Variants in ADGRL2 observed in about 807,000 individuals in gnomAD.
ADGRL2 encodes calcium-independent alpha-latrotoxin receptor 2.
Under a neutral mutation model 157.4 loss-of-function variants are expected in ADGRL2, and 44 were observed. The observed-to-expected ratio is 0.28, with a 90% CI of 0.22 to 0.36. The LOEUF (loss-of-function observed/expected upper bound fraction) is 0.36, where lower values mean the gene tolerates loss of function less well. Ranked by LOEUF, ADGRL2 falls within the 10% of genes least tolerant of loss-of-function variation. ADGRL2 has a pLI of 1.00. For synonymous variants in ADGRL2, 585 were observed against 624.7 expected, an observed-to-expected ratio of 0.94 and a Z score of 0.95; for missense variants, 1,510 against 1,768.9, an observed-to-expected ratio of 0.85 and a Z score of 2.63.
chr1:81,562,071 T>G (rs2080455769), intron 2 of ADGRL2, among the ~76,000 whole-genome samples: 2 of 152,208 alleles, frequency 1.3e-5, no homozygotes, highest in African/African-American at 4.8e-5. Flanking sequence ...CATAAATGGC[T>G]TCTCAAGTAA....
intron 1 of ADGRL2, among the ~76,000 whole-genome samples, chr1:81,359,554 T>C (rs967525167): frequency 6.6e-6 from 1 of 152,054 alleles, no homozygotes; most frequent in Non-Finnish European, 1.5e-5. Context: ...CTCATTTTCT[T>C]AGTCAACATG....
intron 1 of ADGRL2, among the ~76,000 whole-genome samples, chr1:81,356,934 C>CA (rs1227467537): frequency 1.8e-5 from 1 of 54,804 alleles, no homozygotes; most frequent in Non-Finnish European, 3.1e-5. Flanking sequence ...GCCTGGGGGA[C>CA]AAAATGAGAC....
chr1:81,496,686 C>G (rs1297868267), intron 2 of ADGRL2, among the ~76,000 whole-genome samples: 1 of 151,182 alleles, frequency 6.6e-6, no homozygotes, highest in African/African-American at 2.4e-5. Context: ...AAAAAAAGAC[C>G]TTAGAATTCC....
At chr1:81,451,458 G>A (rs553190011) in intron 2 of ADGRL2, among the ~76,000 whole-genome samples, 1 of 152,304 alleles carries the variant, frequency 6.6e-6, no homozygotes, top group African/African-American at 2.4e-5. Flanking sequence ...TTATACCAGA[G>A]AAGAGCATTG....
chr1:81,888,468 C>T (rs1385294954), intron 2 of ADGRL2, among the ~76,000 whole-genome samples: 1 of 152,068 alleles, frequency 6.6e-6, no homozygotes, highest in Non-Finnish European at 1.5e-5. Flanking sequence ...GAGATGGAGT[C>T]TTGCTCTGTA....
At chr1:81,584,851 T>C (rs1005986544) in intron 3 of ADGRL2, among the ~76,000 whole-genome samples, 2 of 152,118 alleles carry the variant, frequency 1.3e-5, no homozygotes, top group African/African-American at 2.4e-5. Context: ...GCTTATAAAC[T>C]CTAGAGTTAC....
chr1:81,645,570 G>GCAT (rs1557532404), intron 3 of ADGRL2, among the ~76,000 whole-genome samples: 3 of 151,952 alleles, frequency 2.0e-5, no homozygotes, highest in African/African-American at 7.3e-5. Context: ...GCATGTCCAT[G>GCAT]CATATATGAA....
intron 6 of ADGRL2, among the ~76,000 whole-genome samples, chr1:81,947,210 A>G (rs1285074698): frequency 6.6e-6 from 1 of 152,170 alleles, no homozygotes; most frequent in South Asian, 2.1e-4. Context: ...GTTTTCTATT[A>G]TTATTTATAG....
At chr1:81,852,706 G>A (rs550079648) in intron 2 of ADGRL2, among the ~76,000 whole-genome samples, 220 of 151,898 alleles carry the variant, frequency 1.4e-3, no homozygotes, top group South Asian at 4.8e-3. Flanking sequence ...TGTGTGTCTC[G>A]CTGGCTTATT....
chr1:81,895,107 G>C (rs545279167), intron 2 of ADGRL2, among the ~76,000 whole-genome samples: 13 of 152,278 alleles, frequency 8.5e-5, no homozygotes, highest in African/African-American at 3.1e-4. Flanking sequence ...TGAGTCAGCA[G>C]TGGTTGCGTG....
At chr1:81,313,576 A>G (rs1381211640) in intron 1 of ADGRL2, among the ~76,000 whole-genome samples, 6 of 152,210 alleles carry the variant, frequency 3.9e-5, no homozygotes, top group African/African-American at 9.6e-5. Flanking sequence ...GCAGGCCACT[A>G]TGAGTTTCCA....
At chr1:81,665,436 A>G (rs923195604) in intron 3 of ADGRL2, among the ~76,000 whole-genome samples, 1 of 152,130 alleles carries the variant, frequency 6.6e-6, no homozygotes, top group South Asian at 2.1e-4. Context: ...TTATTAAGCA[A>G]TATAGGCAAT....
At chr1:81,580,806 C>T (rs993752621) in intron 2 of ADGRL2, 1 of 152,068 alleles carries the variant, frequency 6.6e-6, no homozygotes, top group Non-Finnish European at 1.5e-5. Flanking sequence ...ACCTAATTTG[C>T]CTTTTTCGAA....
chr1:81,914,211 CTTTGTATCCAAGT>C (rs1310129552), intron 3 of ADGRL2, among the ~76,000 whole-genome samples: 1 of 152,064 alleles, frequency 6.6e-6, no homozygotes, highest in East Asian at 1.9e-4. Flanking sequence ...CATAAAGAAG[CTTTGTATCCAAGT>C]CAGAGCTATA....
At chr1:81,698,927 A>C (rs2083500485), upstream of ADGRL2, among the ~76,000 whole-genome samples, 1 of 152,180 alleles carries the variant, frequency 6.6e-6, no homozygotes, top group South Asian at 2.1e-4. Context: ...AAATAAATTA[A>C]CTGTCTACTG....
rs186104038 is a variant in ADGRL2, at chr1:81,362,141, C to T, written c.-302+55632C>T. 7.9e-5 allele frequency among the ~76,000 whole-genome samples: 12 copies of T among 152,020 alleles called. No homozygotes were observed. The East Asian group carries it at 2.1e-3, about 27-fold the overall frequency. ...TGGGATTGCTTCCTCTAAGACACTT[C>T]GGTATGATGTTCTAGGCTTTCATTA... On this transcript the variant is annotated intron_variant, in intron 1 of 24. Transcript: ENST00000370721.
rs78961451 is a variant in ADGRL2, at chr1:81,717,186, C to T, written c.-143+17378C>T. Among the ~76,000 whole-genome samples the T allele has an allele frequency of 9.5e-3, 1,451 of 152,264 alleles. 26 individuals are homozygous for T. The highest frequency in any genetic ancestry group is 0.033 in the African/African-American group (1,382 of 41,546). On this transcript the variant is annotated intron_variant, in intron 1 of 20. Transcript: ENST00000359929. ...GGCTTGGGAATGTCTGCTTCTGGAA[C>T]ATTTGAATGCACTTGAGAGCTCCCT...
At chr1:81,453,138 T>A (rs562124660) in intron 2 of ADGRL2, among the ~76,000 whole-genome samples, 16 of 152,324 alleles carry the variant, frequency 1.1e-4, no homozygotes, top group African/African-American at 3.6e-4. Flanking sequence ...CTAGCTCTCT[T>A]ATTGTTATGT....
chr1:81,535,726 C>G (rs1418713565), intron 2 of ADGRL2, among the ~76,000 whole-genome samples: 1 of 152,060 alleles, frequency 6.6e-6, no homozygotes, highest in African/African-American at 2.4e-5. Context: ...AATTATGTTG[C>G]ATTTACTTTA....
Sources: allele counts gnomAD v4.1 joint callset (sites outside exome capture counted in the v4.1 genomes callset), GRCh38; gene constraint gnomAD v4.1.1; transcripts MANE v1.5; gene names NCBI Gene and HGNC (gene_info 2026-07-23, HGNC 2026-07-21).